PLEKHH3: variants seen among roughly 807,000 people sequenced by gnomAD.
PLEKHH3 encodes the protein pleckstrin homology domain-containing family H member 3.
PLEKHH3 carries 57 observed loss-of-function variants against 77.8 expected under a neutral mutation model. The observed-to-expected ratio is 0.73, with a 90% CI of 0.59 to 0.91. The LOEUF is 0.91. Among genes scored for constraint, PLEKHH3 ranks in the 40% least tolerant of loss-of-function variants. PLEKHH3 has a pLI of 0.00. For missense variants in PLEKHH3, 1,082 were observed against 1,091.2 expected, an observed-to-expected ratio of 0.99 and a Z score of 0.12; for synonymous variants, 467 against 504.8, an observed-to-expected ratio of 0.93 and a Z score of 1.00.
rs756014134 is a variant in PLEKHH3, at chr17:42,671,007, T to C, written c.1408A>G (p.Thr470Ala). 4 of 1,610,134 alleles carry C rather than the reference T, an allele frequency of 2.5e-6. No individual in the cohort carries two copies. The highest frequency in any genetic ancestry group is 3.4e-6 in the Non-Finnish European group (4 of 1,179,024). The stretch of plus-strand genomic sequence containing the variant: ...CTGGACATTTACTTCTCAAACCTGG[T>C]GAGCACGTCGGCCACGAGGGTCCCC... ...AGGTLVADVL[T>A]RFENLAAEEA... Residue 470 changes from threonine to alanine, a missense_variant, in exon 9 of 13, where the codon ACC becomes GCC. Thr to Ala is a moderately conservative substitution (Grantham distance 58). Coordinates refer to ENST00000591022, the MANE Select transcript of PLEKHH3 (RefSeq NM_024927.5). This position sits in a 1 kb window ranked among gnomAD's most constrained non-coding sequence, Gnocchi z 4.7.
chr17:42,672,445 G>A (rs1399028075), intron 6 of PLEKHH3, 53 bp from the exon 7 acceptor site: 4 of 1,422,236 alleles, frequency 2.8e-6, no homozygotes, highest in Admixed American at 2.6e-5. Flanking sequence ...ACAGAGCTGC[G>A]CCCTGGGAGG....
chr17:42,673,946 T>A lies in PLEKHH3; in HGVS notation c.286A>T (p.Ile96Phe). 4 of 1,613,484 alleles carry A rather than the reference T, an allele frequency of 2.5e-6. No homozygotes were observed. Among genetic ancestry groups the A allele is most frequent in the Non-Finnish European group, 3.4e-6 (4 of 1,179,920 alleles). The change falls in exon 3 of 13, where the codon ATC becomes TTC. Residue 96 changes from isoleucine to phenylalanine, a missense_variant. By Grantham distance (21) the Ile-to-Phe change is conservative (BLOSUM62 0). This residue lies in a region of PLEKHH3 where 344 missense variants were observed against 320.8 expected (regional missense o/e 1.07). Transcript: ENST00000591022. The part of the protein sequence containing the change: ...EKGLPEDDPD[I>F]VVKGWLYREP... ...GGGGGGTCTCTACCTTTCACAACGA[T>A]GTCCGGGTCGTCCTCCGGCAGCCCT...
intron 1 of PLEKHH3, among the ~76,000 whole-genome samples, chr17:42,675,274 T>G (rs1353920578): frequency 5.9e-5 from 9 of 151,894 alleles, no homozygotes; most frequent in Non-Finnish European, 7.4e-5. Context: ...CAGGGACACC[T>G]GTCCCCAGGC....
chr17:42,670,641 G>A lies in PLEKHH3; in HGVS notation c.1486C>T (p.Leu496Phe). The change falls in exon 10 of 13, where the codon CTT becomes TTT. Residue 496 changes from leucine (L) to phenylalanine (F), a missense_variant. By Grantham distance (22) the Leu-to-Phe change is conservative. Transcript: ENST00000591022. Reference protein sequence around the residue: ...PDSGWRLCLRLHGPLHPEGLS... With the variant: ...PDSGWRLCLRFHGPLHPEGLS... Reference sequence around the variant, plus strand: ...CCCTCAGGGTGCAGAGGTCCGTGAAGACGCAGACATAGTCTCCACCCGGAG... The same window carrying A: ...CCCTCAGGGTGCAGAGGTCCGTGAAAACGCAGACATAGTCTCCACCCGGAG... The A allele has an allele frequency of 6.2e-7, 1 of 1,613,246 alleles. No individual in the cohort carries two copies. The highest frequency in any genetic ancestry group is 8.5e-7 in the Non-Finnish European group (1 of 1,179,922).
intron 1 of PLEKHH3, 122 bp from the exon 2 acceptor site, chr17:42,674,531 G>A (rs1262286194): frequency 4.7e-6 from 4 of 860,194 alleles, no homozygotes; most frequent in Non-Finnish European, 6.6e-6. Flanking sequence ...GAGTGGGGTC[G>A]TGACTAGGGT....
rs748154829 is a variant in PLEKHH3 at position 42,673,500 on chromosome 17, G to A, written c.547C>T (p.Arg183Cys). Residue 183 changes from arginine (R) to cysteine (C), a missense_variant, in exon 5 of 13, where the codon CGC becomes TGC. Physicochemically the swap from Arg to Cys is radical, Grantham distance 180 (BLOSUM62 -3). This residue lies in a region of PLEKHH3 where 344 missense variants were observed against 320.8 expected (regional missense o/e 1.07). Coordinates refer to ENST00000591022, the MANE Select transcript of PLEKHH3 (RefSeq NM_024927.5). Reference sequence around the variant, plus strand: ...CCCCAGCGCTCAGCCTCTGCCTGGCGTGGGGAGCAGAGGCGGACACTGTGT... The same window carrying A: ...CCCCAGCGCTCAGCCTCTGCCTGGCATGGGGAGCAGAGGCGGACACTGTGT... ...RKHSVRLCSP[R>C]QAEAERWGVA... The A allele has an allele frequency of 2.5e-6, 4 of 1,608,414 alleles. No homozygotes were observed. Among genetic ancestry groups the A allele is most frequent in the South Asian group, 1.1e-5 (1 of 90,378 alleles).
At chr17:42,674,048 T>A (rs370587205) in intron 2 of PLEKHH3, 35 bp from the exon 3 acceptor site, 2 of 1,604,770 alleles carry the variant, frequency 1.2e-6, no homozygotes, top group African/African-American at 2.7e-5. Context: ...GGGTCTCCAC[T>A]CTGCCTCTAG....
chr17:42,673,083 G>C, intron 6 of PLEKHH3, 93 bp downstream of exon 6: 2 of 1,413,048 alleles, frequency 1.4e-6, no homozygotes, highest in Non-Finnish European at 1.9e-6. Context: ...GGTCCATGAA[G>C]GATGCTTAGA....
Position 42,673,420 on chromosome 17 carries a change from C to A in PLEKHH3, c.627G>T (p.Gln209His). ...ASKAPLETPTQLLLRDIQESC... is the reference protein window; with the variant it reads ...ASKAPLETPTHLLLRDIQESC... ...GTACCTGTATGTCCCTGAGCAGTAG[C>A]TGGGTGGGGGTCTCCAGGGGTGCCT... is the stretch of plus-strand genomic sequence containing the variant. Residue 209 changes from glutamine (Q) to histidine (H), a missense_variant, in exon 5 of 13, where the codon CAG becomes CAT. By Grantham distance (24) the Gln-to-His change is conservative. Coordinates refer to ENST00000591022, the MANE Select transcript of PLEKHH3 (RefSeq NM_024927.5). The A allele has an allele frequency of 6.2e-7, 1 of 1,613,498 alleles. No homozygotes were observed. The highest frequency in any genetic ancestry group is 8.5e-7 in the Non-Finnish European group (1 of 1,179,916).
At chr17:42,670,422 C>T (rs750748907) in intron 10 of PLEKHH3, 46 bp from the exon 11 acceptor site, 7 of 1,463,004 alleles carry the variant, frequency 4.8e-6, no homozygotes, top group East Asian at 5.1e-5. Flanking sequence ...GCGGCGGAAC[C>T]GTCGCGAAAA....
At position 42,671,485 on chromosome 17, in the gene PLEKHH3, G is replaced by C. The variant is rs1401793527; in HGVS notation, c.1150C>G (p.Arg384Gly). 6 of 1,613,124 alleles carry C rather than the reference G, an allele frequency of 3.7e-6. No individual in the cohort carries two copies. The highest frequency in any genetic ancestry group is 4.2e-6 in the Non-Finnish European group (5 of 1,179,996). Residue 384 changes from arginine (R) to glycine (G), a missense_variant, in exon 8 of 13, where the codon CGC becomes GGC. Physicochemically the swap from Arg to Gly is moderately radical, Grantham distance 125 (BLOSUM62 -2). Transcript: ENST00000591022. This position sits in a 1 kb window ranked among gnomAD's most constrained non-coding sequence, Gnocchi z 4.7. Reference protein sequence around the residue: ...RFIRKALGRTRGRELVPSLAE... With the variant: ...RFIRKALGRTGGRELVPSLAE... ...AGCGAGGGCACCAGCTCTCTGCCGC[G>C]CGTCCGGCCCAGCGCTTTCCGGATG...
At position 42,672,154 on chromosome 17, in the gene PLEKHH3, G is replaced by A. The variant is rs1162977077; in HGVS notation, c.1008C>T (p.Leu336=). The change falls in exon 7 of 13, where the codon CTC becomes CTT. Residue 336 remains leucine, a synonymous_variant. Coordinates refer to ENST00000591022, the MANE Select transcript of PLEKHH3 (RefSeq NM_024927.5). ...DPAALRYWQL[L]TCMSCTFRPG... ...GTCGGAAGGTGCAGCTCATGCAGGTGAGGAGTTGCCAGTACCGCAGGGCCG... is the reference window on the plus strand; with the variant it reads ...GTCGGAAGGTGCAGCTCATGCAGGTAAGGAGTTGCCAGTACCGCAGGGCCG... 7.8e-6 allele frequency: 12 copies of A among 1,546,702 alleles called. No individual in the cohort carries two copies. Among genetic ancestry groups the A allele is most frequent in the African/African-American group, 1.4e-5 (1 of 73,106 alleles).
chr17:42,670,077 G>C lies in PLEKHH3; in HGVS notation c.1854C>G (p.Arg618=), dbSNP rs761548820. 2.6e-5 allele frequency: 38 copies of C among 1,445,464 alleles called. No individual in the cohort carries two copies. The highest frequency in any genetic ancestry group is 3.2e-5 in the Non-Finnish European group (35 of 1,108,516). The allele number at this position is 1,445,464 out of a possible 1,614,324, so 89.5% of individuals were successfully genotyped here. A position where few individuals can be genotyped will look rare whatever the true frequency, so the allele number is the denominator to read the frequency against. ...CCGTGCCGGCGCCGCCTCCTCCCTC[G>C]CGGGCAATGCTTCCCGCAGTGCGGC... ...GAGRTAGSIA[R]EGGGGAGTAA... Residue 618 remains arginine (R), a synonymous_variant, in exon 11 of 13, where the codon CGC becomes CGG. Coordinates refer to ENST00000591022, the MANE Select transcript of PLEKHH3 (RefSeq NM_024927.5).
chr17:42,671,076 C>A lies in PLEKHH3; in HGVS notation c.1339G>T (p.Ala447Ser). 4 of 1,607,344 alleles carry A rather than the reference C, an allele frequency of 2.5e-6. No individual in the cohort carries two copies. Among genetic ancestry groups the A allele is most frequent in the Non-Finnish European group, 3.4e-6 (4 of 1,176,404 alleles). Reference protein sequence around the residue: ...LGLARSRNAFALYEQRGAQER... With the variant: ...LGLARSRNAFSLYEQRGAQER... Reference sequence around the variant, plus strand: ...TGGGCCCCTCGCTGCTCGTACAGCGCGAATGCGTTGCGGCTCCGGGCCAAG... The same window carrying A: ...TGGGCCCCTCGCTGCTCGTACAGCGAGAATGCGTTGCGGCTCCGGGCCAAG... The change falls in exon 9 of 13, where the codon GCG becomes TCG. Residue 447 changes from alanine to serine, a missense_variant. By Grantham distance (99) the Ala-to-Ser change is moderately conservative. Transcript: ENST00000591022. This position sits in a 1 kb window ranked among gnomAD's most constrained non-coding sequence, Gnocchi z 4.7.
rs1244544766 is a variant in PLEKHH3 at position 42,676,804 on chromosome 17, G to A, written c.-241C>T. Reference sequence around the variant, plus strand: ...GAGGGGGAAAAGCGTCCAGGGCCCCGGGAGAGGAGGGAGCAATGTCCGGAG... The same window carrying A: ...GAGGGGGAAAAGCGTCCAGGGCCCCAGGAGAGGAGGGAGCAATGTCCGGAG... On this transcript the variant is annotated 5_prime_UTR_variant, in exon 1 of 13. Coordinates refer to ENST00000591022, the MANE Select transcript of PLEKHH3 (RefSeq NM_024927.5). This position sits in a 1 kb window ranked among gnomAD's most constrained non-coding sequence, Gnocchi z 6.6. The A allele has an allele frequency of 1.7e-6, 1 of 576,620 alleles. No homozygotes were observed. The highest frequency in any genetic ancestry group is 3.1e-6 in the Non-Finnish European group (1 of 323,770). 35.7% of individuals were successfully genotyped at this position (576,620 alleles called of 1,614,324 possible).
chr17:42,670,385 G>C lies in PLEKHH3; in HGVS notation c.1555-9C>G, dbSNP rs1187141817. On this transcript the variant is annotated splice_polypyrimidine_tract_variant and intron_variant, in intron 10 of 12. Transcript: ENST00000591022. ...AGCAGCAGAGCGTGAGCCTGCAGGG[G>C]AGGCACCCGGCGTCAGTGTACGAGC... 4.9e-6 allele frequency: 7 copies of C among 1,441,384 alleles called. No homozygotes were observed. The highest frequency in any genetic ancestry group is 1.5e-5 in the African/African-American group (1 of 68,292). 89.3% of individuals were successfully genotyped at this position (1,441,384 alleles called of 1,614,324 possible). A position where few individuals can be genotyped will look rare whatever the true frequency, so the allele number is the denominator to read the frequency against.
intron 2 of PLEKHH3, 79 bp downstream of exon 2, chr17:42,674,275 G>T: frequency 3.2e-5 from 47 of 1,458,868 alleles, no homozygotes; most frequent in Non-Finnish European, 4.3e-5. Context: ...TTGCACAACC[G>T]CTAGGGGAGA....
At position 42,676,057 on chromosome 17, in the gene PLEKHH3, GC is replaced by G; in HGVS notation, c.162+344del. 8.7e-7 allele frequency: 1 copy of G among 1,154,140 alleles called. No individual in the cohort carries two copies. The allele number at this position is 1,154,140 out of a possible 1,614,324, so 71.5% of individuals were successfully genotyped here. ...GCGTTCGAGCCGCCCAGCCGGCCTC[GC>G]CACATTCCTCGGCGCTGGCGGAGGC... On this transcript the variant is annotated intron_variant, in intron 1 of 12. Transcript: ENST00000591022. This position sits in a 1 kb window ranked among gnomAD's most constrained non-coding sequence, Gnocchi z 6.6.
In PLEKHH3 at chr17:42,670,981, G is replaced by C. The variant is rs767307749; in HGVS notation, c.1421+13C>G. The stretch of plus-strand genomic sequence containing the variant: ...TGGGCTAATAGAGAGCAGGGCTGGG[G>C]CTGGACATTTACTTCTCAAACCTGG... On this transcript the variant is annotated intron_variant, in intron 9 of 12. Coordinates refer to ENST00000591022, the MANE Select transcript of PLEKHH3 (RefSeq NM_024927.5). The C allele has an allele frequency of 3.1e-6, 5 of 1,608,484 alleles. No homozygotes were observed. The African/African-American group carries it at 6.7e-5, about 22-fold the overall frequency.
Sources: allele counts gnomAD v4.1 joint callset (sites outside exome capture counted in the v4.1 genomes callset), GRCh38; gene constraint gnomAD v4.1.1; regional missense constraint gnomAD v4.1.1; non-coding constraint Gnocchi (gnomAD v3.1); transcripts MANE v1.5; gene names NCBI Gene and HGNC (gene_info 2026-07-23, HGNC 2026-07-21).